CRAMP1: variants seen among roughly 807,000 people sequenced by gnomAD.
CRAMP1 encodes the protein protein cramped-like.
Under a neutral mutation model 115.4 loss-of-function variants are expected in CRAMP1, and 50 were observed. The observed-to-expected ratio is 0.43, with a 90% CI of 0.35 to 0.55. The LOEUF (loss-of-function observed/expected upper bound fraction) is 0.55, where lower values mean the gene tolerates loss of function less well. CRAMP1 is among the 20% of genes least tolerant of loss of function. The pLI, the probability that CRAMP1 is intolerant of heterozygous loss-of-function variation, is 0.01. For missense variants in CRAMP1, 1,679 were observed against 1,721.7 expected, an observed-to-expected ratio of 0.98 and a Z score of 0.44; for synonymous variants, 866 against 745.4, an observed-to-expected ratio of 1.16 and a Z score of -2.64.
chr16:1,646,486 A>T (rs2036675401), intron 6 of CRAMP1, among the ~76,000 whole-genome samples: 1 of 152,014 alleles, frequency 6.6e-6, no homozygotes, highest in South Asian at 2.1e-4. Context: ...TCTCGTGCTT[A>T]TTTGCTGTGT....
In CRAMP1 at chr16:1,656,922, C is replaced by T. The variant is rs1368403011; in HGVS notation, c.2165C>T (p.Thr722Ile). 1.3e-6 allele frequency: 2 copies of T among 1,556,596 alleles called. No individual in the cohort carries two copies. Among genetic ancestry groups the T allele is most frequent in the South Asian group, 1.2e-5 (1 of 84,382 alleles). The stretch of plus-strand genomic sequence containing the variant: ...GACCCCCGCCCCGGCTCCCTACCCA[C>T]CGCCCTCCACAAGCAGCGCCTCCTC... The part of the protein sequence containing the change: ...RQDPRPGSLP[T>I]ALHKQRLLSC... Residue 722 changes from threonine to isoleucine, a missense_variant, in exon 10 of 21, where the codon ACC becomes ATC. Physicochemically the swap from Thr to Ile is moderately conservative, Grantham distance 89. Transcript: ENST00000397412. This position sits in a 1 kb window ranked among gnomAD's most constrained non-coding sequence, Gnocchi z 5.6.
intron 2 of CRAMP1, among the ~76,000 whole-genome samples, chr16:1,621,433 G>A (rs925932526): frequency 1.3e-5 from 2 of 152,244 alleles, no homozygotes; most frequent in African/African-American, 4.8e-5. Context: ...GCGGCAGAGA[G>A]CTGGCTTGGG....
At chr16:1,638,740 G>A (rs767925219) in intron 5 of CRAMP1, among the ~76,000 whole-genome samples, 2 of 152,130 alleles carry the variant, frequency 1.3e-5, no homozygotes, top group Non-Finnish European at 2.9e-5. Flanking sequence ...CAGGGCGGGT[G>A]GTGGGGCTGA....
chr16:1,637,329 C>T (rs1459080703), intron 4 of CRAMP1, among the ~76,000 whole-genome samples: 2 of 151,786 alleles, frequency 1.3e-5, no homozygotes, highest in African/African-American at 4.8e-5. Flanking sequence ...GGGCCTCTTA[C>T]TGAGGAAGGA....
chr16:1,650,620 A>G (rs2036714549), intron 6 of CRAMP1, among the ~76,000 whole-genome samples: 1 of 152,250 alleles, frequency 6.6e-6, no homozygotes. Flanking sequence ...AAGTAAGTGT[A>G]CAGGTACAAA....
chr16:1,644,585 T>C lies in CRAMP1; in HGVS notation c.827+3398T>C, dbSNP rs114780679. 3.0e-3 allele frequency among the ~76,000 whole-genome samples: 450 copies of C among 152,238 alleles called. 4 individuals carry two copies. The highest frequency in any genetic ancestry group is 0.01 in the African/African-American group (432 of 41,534). On this transcript the variant is annotated intron_variant, in intron 6 of 20. Coordinates refer to ENST00000397412, the MANE Select transcript of CRAMP1 (RefSeq NM_020825.4). ...AGGAAGGGAACCTGCCTGGGGCGTT[T>C]AGGGAAGCGATCAGGGGCCACACAA...
In CRAMP1 at chr16:1,659,926, C is replaced by A; in HGVS notation, c.2276C>A (p.Pro759His). ...ACCATCTCTACAGCCTCAGTAAGGC[C>A]CGCCCAGGAGGAGCAGTCGATGACG... ...ANTISTASVR[P>H]AQEEQSMTPP... The change falls in exon 11 of 21, where the codon CCC (proline) becomes CAC (histidine). Residue 759 changes from proline to histidine, a missense_variant. Pro to His is a moderately conservative substitution (Grantham distance 77, BLOSUM62 -2). Transcript: ENST00000397412. 6.2e-7 allele frequency: 1 copy of A among 1,612,946 alleles called. No individual in the cohort carries two copies. The highest frequency in any genetic ancestry group is 8.5e-7 in the Non-Finnish European group (1 of 1,179,834).
At chr16:1,615,858 C>T (rs1340083754) in intron 2 of CRAMP1, among the ~76,000 whole-genome samples, 2 of 151,884 alleles carry the variant, frequency 1.3e-5, no homozygotes, top group Admixed American at 1.3e-4. Flanking sequence ...GTGAGTTTCA[C>T]GTGAAAAAAA....
At chr16:1,655,580 A>G (rs987696695) in intron 9 of CRAMP1, among the ~76,000 whole-genome samples, 1 of 152,158 alleles carries the variant, frequency 6.6e-6, no homozygotes, top group African/African-American at 2.4e-5. Flanking sequence ...CATTCCTACC[A>G]GCAGGTTGAG....
intron 4 of CRAMP1, among the ~76,000 whole-genome samples, chr16:1,633,030 C>T (rs2036559113): frequency 6.6e-6 from 1 of 152,228 alleles, no homozygotes; most frequent in Admixed American, 6.5e-5. Context: ...CCTGTAGCTT[C>T]ACACACAGCT....
chr16:1,673,695 A>G (rs1426283428), intron 20 of CRAMP1, among the ~76,000 whole-genome samples, 186 bp from the exon 21 acceptor site: 1 of 152,204 alleles, frequency 6.6e-6, no homozygotes, highest in Admixed American at 6.5e-5. Context: ...GCGAGCACTT[A>G]TCTAAAGAGT....
rs1303886936 is a variant in CRAMP1, at chr16:1,662,600, C to T, written c.2524C>T (p.Arg842Ter). 3 of 1,613,894 alleles carry T rather than the reference C, an allele frequency of 1.9e-6. No homozygotes were observed. Among genetic ancestry groups the T allele is most frequent in the African/African-American group, 1.3e-5 (1 of 74,930 alleles). ...CCCGACAACCTTGCCACCCAACAGC[C>T]GACACGGGAAGCTCTTCTCTCCCAG... Reference protein sequence around the residue: ...AVPTTLPPNSRHGKLFSPSKE... With the variant: ...AVPTTLPPNS The change falls in exon 12 of 21, where the codon CGA becomes TGA. Residue 842 changes from arginine (R) to a stop codon, truncating the protein, a stop_gained. Transcript: ENST00000397412. LOFTEE classifies it high-confidence loss of function.
At chr16:1,619,037 G>A (rs1457292262) in intron 2 of CRAMP1, among the ~76,000 whole-genome samples, 2 of 152,136 alleles carry the variant, frequency 1.3e-5, no homozygotes, top group African/African-American at 2.4e-5. Context: ...TTTCATTTTT[G>A]TATCTTATTG....
rs201449933 is a variant in CRAMP1, at chr16:1,666,489, C to G, written c.2925C>G (p.Thr975=). 1 of 1,613,854 alleles carries G rather than the reference C, an allele frequency of 6.2e-7. No homozygotes were observed. Among genetic ancestry groups the G allele is most frequent in the Non-Finnish European group, 8.5e-7 (1 of 1,179,810 alleles). The change falls in exon 16 of 21, where the codon ACC becomes ACG. Residue 975 remains threonine (T), a synonymous_variant. Coordinates refer to ENST00000397412, the MANE Select transcript of CRAMP1 (RefSeq NM_020825.4). This position sits in a 1 kb window ranked among gnomAD's most constrained non-coding sequence, Gnocchi z 5.0. ...LSGNPLPALD[T]EGLSGISPLS... Reference sequence around the variant, plus strand: ...GGAACCCCCTCCCTGCCTTGGACACCGAGGGCTTGTCTGGCATCTCTCCAC... The same window carrying G: ...GGAACCCCCTCCCTGCCTTGGACACGGAGGGCTTGTCTGGCATCTCTCCAC...
intron 7 of CRAMP1, 125 bp downstream of exon 7, chr16:1,652,706 G>C (rs2036735210): frequency 1.2e-6 from 1 of 841,844 alleles, no homozygotes; most frequent in East Asian, 2.7e-5. Context: ...TAATCCCAGG[G>C]CTGCACATGG....
intron 10 of CRAMP1, among the ~76,000 whole-genome samples, chr16:1,658,679 G>A (rs550083967): frequency 5.3e-5 from 8 of 152,338 alleles, no homozygotes; most frequent in African/African-American, 1.9e-4. Flanking sequence ...CAGAGATCAG[G>A]AGATGCCGGA....
chr16:1,625,932 G>C (rs1284786497), intron 2 of CRAMP1, 41 bp from the exon 3 acceptor site: 1 of 1,547,168 alleles, frequency 6.5e-7, no homozygotes, highest in Middle Eastern at 1.7e-4. Context: ...CAGCCCGCCA[G>C]CTTTCTGGAA....
Position 1,668,036 on chromosome 16 carries a change from G to A in CRAMP1, c.3177G>A (p.Ser1059=), listed in dbSNP as rs748778928. Residue 1059 remains serine (S), a synonymous_variant, in exon 18 of 21, where the codon TCG becomes TCA. Coordinates refer to ENST00000397412, the MANE Select transcript of CRAMP1 (RefSeq NM_020825.4). The part of the protein sequence containing the change: ...LQNGLSIPLS[S]SESSSTRLSP... ...ATGGCCTCTCCATACCGCTGTCCTC[G>A]TCAGAGAGCTCCAGCACCCGGCTGT... 2.4e-5 allele frequency: 38 copies of A among 1,613,834 alleles called. No individual in the cohort carries two copies. Among genetic ancestry groups the A allele is most frequent in the South Asian group, 6.6e-5 (6 of 91,076 alleles).
At chr16:1,652,416 C>T in intron 6 of CRAMP1, 80 bp from the exon 7 acceptor site, 1 of 1,314,852 alleles carries the variant, frequency 7.6e-7, no homozygotes, top group African/African-American at 1.5e-5. Flanking sequence ...TGGCCTGGCT[C>T]AGCGCCTCTC....
Sources: allele counts gnomAD v4.1 joint callset (sites outside exome capture counted in the v4.1 genomes callset), GRCh38; gene constraint gnomAD v4.1.1; non-coding constraint Gnocchi (gnomAD v3.1); transcripts MANE v1.5; gene names NCBI Gene and HGNC (gene_info 2026-07-23, HGNC 2026-07-21).